SH2B2: variants seen among roughly 807,000 people sequenced by gnomAD.
SH2B2 encodes SH2B adapter protein 2.
SH2B2 carries 37 observed loss-of-function variants against 35.7 expected under a neutral mutation model. The observed-to-expected ratio is 1.04, with a 90% CI of 0.80 to 1.36. SH2B2 has a LOEUF of 1.36. Ranked by LOEUF, SH2B2 falls within the 40% of genes most tolerant of loss-of-function variation. SH2B2 has a pLI of 0.00. For missense variants in SH2B2, 852 were observed against 817.7 expected, an observed-to-expected ratio of 1.04 and a Z score of -0.51; for synonymous variants, 383 against 376.4, an observed-to-expected ratio of 1.02 and a Z score of -0.20.
At chr7:102,295,577 C>G (rs1792876177) in intron 1 of SH2B2, among the ~76,000 whole-genome samples, 1 of 152,182 alleles carries the variant, frequency 6.6e-6, no homozygotes, top group African/African-American at 2.4e-5. Context: ...CCTGCGCACT[C>G]TCTGTGTCAG....
Position 102,321,553 on chromosome 7 carries a change from G to T in SH2B2, c.1822G>T (p.Ala608Ser), listed in dbSNP as rs1770295011. ...SAERLLEAVA[A>S]TAAEEPPEAA... Reference sequence around the variant, plus strand: ...CGAGCGCCTGCTGGAGGCCGTGGCCGCCACCGCCGCCGAGGAGCCCCCGGA... The same window carrying T: ...CGAGCGCCTGCTGGAGGCCGTGGCCTCCACCGCCGCCGAGGAGCCCCCGGA... Residue 608 changes from alanine to serine, a missense_variant, in exon 9 of 9, where the codon GCC becomes TCC. By Grantham distance (99) the Ala-to-Ser change is moderately conservative (BLOSUM62 1). Coordinates refer to ENST00000444095, the MANE Select transcript of SH2B2 (RefSeq NM_001359228.2). The T allele has an allele frequency of 5.2e-6, 6 of 1,147,322 alleles. No individual in the cohort carries two copies. The highest frequency in any genetic ancestry group is 6.4e-6 in the Non-Finnish European group (6 of 935,144). The allele number at this position is 1,147,322 out of a possible 1,614,324, so 71.1% of individuals were successfully genotyped here.
chr7:102,310,750 C>T (rs1452128212), intron 4 of SH2B2, among the ~76,000 whole-genome samples: 1 of 152,256 alleles, frequency 6.6e-6, no homozygotes, highest in Non-Finnish European at 1.5e-5. Flanking sequence ...CTCCACCGCC[C>T]TCCGGACCAT....
chr7:102,314,754 T>C (rs1224119448), intron 6 of SH2B2, 72 bp downstream of exon 6: 2 of 398,700 alleles, frequency 5.0e-6, no homozygotes, highest in Non-Finnish European at 8.8e-6. Context: ...TGGCCACCCA[T>C]GGGCTCCCTA....
intron 2 of SH2B2, among the ~76,000 whole-genome samples, chr7:102,305,097 G>T (rs929260402): frequency 6.6e-6 from 1 of 152,164 alleles, no homozygotes. Flanking sequence ...CCGCAGCGTT[G>T]TTGGGAACAC....
chr7:102,295,671 G>C (rs1792881737), intron 1 of SH2B2, among the ~76,000 whole-genome samples: 1 of 152,208 alleles, frequency 6.6e-6, no homozygotes, highest in Non-Finnish European at 1.5e-5. Flanking sequence ...GGAGACTGTG[G>C]GAGCTCAGAG....
chr7:102,318,327 C>T (rs1025198212), intron 7 of SH2B2, among the ~76,000 whole-genome samples: 1 of 152,092 alleles, frequency 6.6e-6, no homozygotes, highest in Non-Finnish European at 1.5e-5. Flanking sequence ...TTAGTAGAGA[C>T]AGGGTTTCAC....
intron 2 of SH2B2, among the ~76,000 whole-genome samples, chr7:102,301,559 C>CGTGT (rs144412397): frequency 0.017 from 2,468 of 145,130 alleles, 40 homozygotes; most frequent in African/African-American, 0.037. Flanking sequence ...TGTGTGTGTC[C>CGTGT]GTGTGTGTGT....
At chr7:102,295,337 G>A (rs894651908) in intron 1 of SH2B2, among the ~76,000 whole-genome samples, 8 of 152,314 alleles carry the variant, frequency 5.3e-5, no homozygotes, top group African/African-American at 1.9e-4. Flanking sequence ...CCACCGTCAG[G>A]AGCACTAGCC....
chr7:102,312,353 C>G (rs1347614174), intron 4 of SH2B2, among the ~76,000 whole-genome samples: 1 of 152,090 alleles, frequency 6.6e-6, no homozygotes, highest in African/African-American at 2.4e-5. Context: ...CCAGCCTGGG[C>G]AACAGAGGGA....
intron 3 of SH2B2, 61 bp from the exon 4 acceptor site, chr7:102,308,754 C>G: frequency 8.1e-7 from 1 of 1,236,036 alleles, no homozygotes; most frequent in Non-Finnish European, 1.2e-6. Flanking sequence ...GACCCTATGT[C>G]CTGTGGTCTG....
At chr7:102,305,305 G>A (rs782591067) in intron 2 of SH2B2, among the ~76,000 whole-genome samples, 15 of 151,638 alleles carry the variant, frequency 9.9e-5, no homozygotes, top group African/African-American at 3.4e-4. Context: ...TCACTCTGTC[G>A]CCCAGGCTGG....
chr7:102,298,590 T>C (rs1433938518), intron 1 of SH2B2, among the ~76,000 whole-genome samples: 1 of 152,124 alleles, frequency 6.6e-6, no homozygotes, highest in Admixed American at 6.6e-5. Flanking sequence ...CTTTTTTTGT[T>C]TATTTTTTGG....
chr7:102,310,132 A>G (rs1554555772), intron 4 of SH2B2, among the ~76,000 whole-genome samples: 3 of 152,146 alleles, frequency 2.0e-5, no homozygotes, highest in African/African-American at 7.2e-5. Context: ...CCTGGCCAAC[A>G]TGGTGAAAAC....
Position 102,297,394 on chromosome 7 carries a change from TACACACAC to T in SH2B2, c.-29-3099_-29-3092del, listed in dbSNP as rs3988122. ...CATCAATAGAGTGAGATCCCATCTCTACACACACACACACACACACACACACACACACA... is the reference window on the plus strand; with the variant it reads ...CATCAATAGAGTGAGATCCCATCTCTACACACACACACACACACACACACA... On this transcript the variant is annotated intron_variant, in intron 1 of 8. Transcript: ENST00000444095. The surrounding 1 kb of genome is among the most constrained non-coding windows in gnomAD (Gnocchi z 4.3). Among the ~76,000 whole-genome samples, 11 of 144,550 alleles carry T rather than the reference TACACACAC, an allele frequency of 7.6e-5. No individual in the cohort carries two copies. Among genetic ancestry groups the T allele is most frequent in the African/African-American group, 1.3e-4 (5 of 38,770 alleles). 94.8% of individuals were successfully genotyped at this position (144,550 alleles called of 152,430 possible). A position where few individuals can be genotyped will look rare whatever the true frequency, so the allele number is the denominator to read the frequency against.
chr7:102,285,215 G>A (rs1389664371), upstream of SH2B2: 10 of 1,551,088 alleles, frequency 6.4e-6, no homozygotes, highest in South Asian at 1.2e-5. Context: ...CTCTCTGGCC[G>A]CTATCATCCC....
At chr7:102,313,023 G>C (rs1793683704) in intron 4 of SH2B2, among the ~76,000 whole-genome samples, 1 of 151,750 alleles carries the variant, frequency 6.6e-6, no homozygotes, top group Admixed American at 6.6e-5. Flanking sequence ...CAGCTACTCG[G>C]GAGGCTGAGG....
At position 102,300,591 on chromosome 7, in the gene SH2B2, T is replaced by C. The variant is rs1793114133; in HGVS notation, c.41T>C (p.Val14Ala). 1 of 1,549,840 alleles carries C rather than the reference T, an allele frequency of 6.5e-7. No individual in the cohort carries two copies. The highest frequency in any genetic ancestry group is 8.7e-7 in the Non-Finnish European group (1 of 1,146,288). The part of the protein sequence containing the change: ...AGPGPAAAAP[V>A]PVPVPVPDWR... ...CCTGGCCCCGCCGCAGCCGCCCCGGTCCCAGTCCCGGTCCCGGTCCCGGAC... is the reference window on the plus strand; with the variant it reads ...CCTGGCCCCGCCGCAGCCGCCCCGGCCCCAGTCCCGGTCCCGGTCCCGGAC... Residue 14 changes from valine (V) to alanine (A), a missense_variant, in exon 2 of 9, where the codon GTC becomes GCC. Val to Ala is a moderately conservative substitution (Grantham distance 64). This residue lies in a region of SH2B2 where 294 missense variants were observed against 286.6 expected (regional missense o/e 1.03). Transcript: ENST00000444095.
chr7:102,293,413 C>T (rs1448199786), intron 1 of SH2B2, among the ~76,000 whole-genome samples: 1 of 151,368 alleles, frequency 6.6e-6, no homozygotes, highest in Non-Finnish European at 1.5e-5. Context: ...CTGCCCTCCT[C>T]GCTCCATCCC....
At chr7:102,311,438 A>G (rs1563563256) in intron 4 of SH2B2, among the ~76,000 whole-genome samples, 1 of 152,030 alleles carries the variant, frequency 6.6e-6, no homozygotes, top group Non-Finnish European at 1.5e-5. Context: ...TATTTTTAGC[A>G]GAGACGGGGT....
Sources: gnomAD v4.1 joint callset for allele counts (sites outside exome capture counted in the v4.1 genomes callset) on GRCh38, gnomAD v4.1.1 for gene constraint, gnomAD v4.1.1 regional missense constraint, Gnocchi (gnomAD v3.1) non-coding constraint, MANE v1.5 for transcripts, NCBI Gene and HGNC (gene_info 2026-07-23, HGNC 2026-07-21) for gene names.